Variants in ERICH6B observed in about 807,000 individuals in gnomAD.
The protein encoded by ERICH6B is glutamate rich 6B.
In ERICH6B, 69 loss-of-function variants were observed where a neutral mutation model predicts 80.0. The ratio of observed to expected loss-of-function variants is 0.86; its 90% CI spans 0.71 to 1.05. ERICH6B has a LOEUF of 1.05. Among genes scored for constraint, ERICH6B ranks in the 50% least tolerant of loss-of-function variants. The pLI, the probability that ERICH6B is intolerant of heterozygous loss-of-function variation, is 0.00. For missense variants in ERICH6B, 754 were observed against 796.1 expected (o/e 0.95, Z 0.64); for synonymous variants, 283 against 291.9 (o/e 0.97, Z 0.31).
intron 2 of ERICH6B, among the ~76,000 whole-genome samples, chr13:45,606,518 T>C (rs1180470574): frequency 1.3e-4 from 2 of 15,380 alleles, no homozygotes; most frequent in African/African-American, 4.4e-4. Context: ...TATATATATA[T>C]ATATATATAT....
chr13:45,606,816 A>C (rs956546418), intron 2 of ERICH6B, among the ~76,000 whole-genome samples: 7 of 151,824 alleles, frequency 4.6e-5, no homozygotes, highest in Admixed American at 4.6e-4. Context: ...AGCCTCCAAA[A>C]GTGCTGGTAT....
At chr13:45,571,810 C>T (rs1035503773) in intron 8 of ERICH6B, among the ~76,000 whole-genome samples, 1 of 152,086 alleles carries the variant, frequency 6.6e-6, no homozygotes, top group Non-Finnish European at 1.5e-5. Flanking sequence ...GACATAGAGA[C>T]ATGCATGGAG....
At position 45,544,841 on chromosome 13, in the gene ERICH6B, T is replaced by G; in HGVS notation, c.1791A>C (p.Gln597His). 1 of 1,551,738 alleles carries G rather than the reference T, an allele frequency of 6.4e-7. No homozygotes were observed. The highest frequency in any genetic ancestry group is 1.4e-5 in the African/African-American group (1 of 73,170). The change falls in exon 14 of 15, where the codon CAA (glutamine) becomes CAC (histidine). Residue 597 changes from glutamine (Q) to histidine (H), a missense_variant. Transcript: ENST00000298738. ...SLKINEYIQV[Q>H]IRSQDKIIFC... ...AGATGATCTTATCCTGGCTCCTTAT[T>G]TGTACCTGGATGTACTCATTGATTT...
At chr13:45,604,024 T>C (rs1331793425) in intron 2 of ERICH6B, among the ~76,000 whole-genome samples, 1 of 152,130 alleles carries the variant, frequency 6.6e-6, no homozygotes, top group Non-Finnish European at 1.5e-5. Context: ...TCTGGGGTCT[T>C]CTCCCCAGAT....
chr13:45,596,940 A>T lies in ERICH6B; in HGVS notation c.66T>A (p.Tyr22Ter). The change falls in exon 3 of 15, where the codon TAT becomes TAA. Residue 22 changes from tyrosine (Y) to a stop codon, truncating the protein, a stop_gained. Coordinates refer to ENST00000298738, the MANE Select transcript of ERICH6B (RefSeq NM_182542.3). LOFTEE classifies it high-confidence loss of function. ...SPPHPPTTPQ[Y>*]STQNLPSEKE... is the part of the protein sequence containing the mutation. ...TCTCTGAAGGCAAGTTCTGTGTGGA[A>T]TATTGGGGAGTTGTGGGAGGGTGAG... is the stretch of plus-strand genomic sequence containing the variant. 1 of 1,551,728 alleles carries T rather than the reference A, an allele frequency of 6.4e-7. No homozygotes were observed. The highest frequency in any genetic ancestry group is 8.7e-7 in the Non-Finnish European group (1 of 1,146,986).
At chr13:45,580,179 C>T (rs999437846) in intron 6 of ERICH6B, among the ~76,000 whole-genome samples, 1 of 151,976 alleles carries the variant, frequency 6.6e-6, no homozygotes, top group East Asian at 1.9e-4. Context: ...ATATTGATTC[C>T]CCTCCCTTTA....
intron 9 of ERICH6B, among the ~76,000 whole-genome samples, chr13:45,564,112 C>A (rs1046424061): frequency 2.2e-4 from 33 of 152,158 alleles, no homozygotes; most frequent in African/African-American, 7.7e-4. Context: ...GCAAGTATGG[C>A]CCTATTATTA....
intron 8 of ERICH6B, 132 bp downstream of exon 8, chr13:45,574,710 G>A (rs779946832): frequency 2.9e-6 from 2 of 679,656 alleles, no homozygotes; most frequent in Non-Finnish European, 5.1e-6. Context: ...ACCCAGTCTG[G>A]GATATATGAA....
chr13:45,577,025 G>T (rs1442054665), intron 7 of ERICH6B, among the ~76,000 whole-genome samples: 1 of 152,124 alleles, frequency 6.6e-6, no homozygotes, highest in Non-Finnish European at 1.5e-5. Flanking sequence ...GTCACTCCAT[G>T]AGAGGATGGG....
intron 2 of ERICH6B, among the ~76,000 whole-genome samples, chr13:45,603,130 G>C (rs976143188): frequency 1.3e-5 from 2 of 152,126 alleles, no homozygotes; most frequent in African/African-American, 4.8e-5. Flanking sequence ...AGGAGAAGAT[G>C]GATGTCCCAG....
At chr13:45,559,458 G>T (rs535622992) in intron 11 of ERICH6B, among the ~76,000 whole-genome samples, 1 of 151,650 alleles carries the variant, frequency 6.6e-6, no homozygotes, top group Non-Finnish European at 1.5e-5. Flanking sequence ...ATTAGTTCTT[G>T]TTTCTCTAGT....
At chr13:45,560,325 C>T (rs767986793) in intron 11 of ERICH6B, among the ~76,000 whole-genome samples, 1 of 152,090 alleles carries the variant, frequency 6.6e-6, no homozygotes, top group East Asian at 1.9e-4. Flanking sequence ...TTTTTATAGG[C>T]TTCATTTTTT....
At chr13:45,603,645 G>A (rs1022816044) in intron 2 of ERICH6B, among the ~76,000 whole-genome samples, 7 of 152,106 alleles carry the variant, frequency 4.6e-5, no homozygotes, top group Admixed American at 4.6e-4. Flanking sequence ...CTCTGCCACA[G>A]TCCTGCTCCC....
At chr13:45,581,108 T>C (rs888585553) in intron 5 of ERICH6B, among the ~76,000 whole-genome samples, 6 of 152,098 alleles carry the variant, frequency 3.9e-5, no homozygotes, top group Non-Finnish European at 8.8e-5. Flanking sequence ...TCTGTGGCCA[T>C]GGGGTGTGTG....
At chr13:45,601,516 A>C (rs1439061013) in intron 2 of ERICH6B, among the ~76,000 whole-genome samples, 1 of 152,160 alleles carries the variant, frequency 6.6e-6, no homozygotes, top group African/African-American at 2.4e-5. Context: ...CCACTCCATC[A>C]AAGGCTTACA....
At chr13:45,543,700 G>A (rs3014909) in intron 14 of ERICH6B, among the ~76,000 whole-genome samples, 74,475 of 152,004 alleles carry the variant, frequency 0.49, 19,091 homozygotes, top group East Asian at 0.65. Flanking sequence ...GTAAAATTCT[G>A]TTGTTTCAGG....
At chr13:45,609,422 G>A (rs1054624957) in intron 1 of ERICH6B, among the ~76,000 whole-genome samples, 2 of 152,106 alleles carry the variant, frequency 1.3e-5, no homozygotes, top group Non-Finnish European at 2.9e-5. Flanking sequence ...CTCCAGCAAG[G>A]CTTTCTAAAA....
intron 2 of ERICH6B, among the ~76,000 whole-genome samples, chr13:45,605,430 G>A (rs978467500): frequency 1.8e-4 from 28 of 152,200 alleles, no homozygotes; most frequent in Admixed American, 1.8e-3. Context: ...GCTGCAAAGT[G>A]CTTTCGTGGG....
intron 8 of ERICH6B, among the ~76,000 whole-genome samples, chr13:45,574,070 A>G (rs1875280514): frequency 6.6e-6 from 1 of 152,218 alleles, no homozygotes; most frequent in South Asian, 2.1e-4. Flanking sequence ...CATTTACAAA[A>G]TGAAATATTT....
Sources: allele counts gnomAD v4.1 joint callset (sites outside exome capture counted in the v4.1 genomes callset), GRCh38; gene constraint gnomAD v4.1.1; transcripts MANE v1.5; gene names NCBI Gene and HGNC (gene_info 2026-07-23, HGNC 2026-07-21).